The following THSD7B variants were observed in gnomAD, a reference collection of about 807,000 sequenced individuals.
THSD7B encodes thrombospondin type-1 domain-containing protein 7B.
In THSD7B, 138 loss-of-function variants were observed where a neutral mutation model predicts 213.6. The observed-to-expected ratio is 0.65, with a 90% CI of 0.56 to 0.74. The LOEUF is 0.74. THSD7B is among the 30% of genes least tolerant of loss of function. The pLI is 0.00. For synonymous variants in THSD7B, 742 were observed against 687.0 expected (o/e 1.08, Z -1.25); for missense variants, 1,931 against 1,991.5 (o/e 0.97, Z 0.58).
chr2:137,541,945 C>A (rs1187825946), intron 15 of THSD7B, among the ~76,000 whole-genome samples: 1 of 151,170 alleles, frequency 6.6e-6, no homozygotes, highest in Non-Finnish European at 1.5e-5. Context: ...ACAATGAGAG[C>A]CTCAGAAATC....
At chr2:137,364,347 C>T (rs1287998120) in intron 12 of THSD7B, among the ~76,000 whole-genome samples, 4 of 152,154 alleles carry the variant, frequency 2.6e-5, no homozygotes, top group Non-Finnish European at 2.9e-5. Context: ...GACATGGATG[C>T]CATCTCTCAC....
At chr2:137,391,846 T>A (rs1185545086) in intron 12 of THSD7B, among the ~76,000 whole-genome samples, 1 of 152,194 alleles carries the variant, frequency 6.6e-6, no homozygotes, top group Non-Finnish European at 1.5e-5. Context: ...CTTTAAAATT[T>A]GTGATCTTTA....
intron 21 of THSD7B, among the ~76,000 whole-genome samples, chr2:137,644,691 C>T (rs1291811211): frequency 6.6e-6 from 1 of 152,076 alleles, no homozygotes; most frequent in Admixed American, 6.6e-5. Context: ...TGCACGTGGG[C>T]CTTTTTGCAC....
At chr2:136,823,788 CTG>C (rs1682601561) in intron 1 of THSD7B, among the ~76,000 whole-genome samples, 1 of 152,074 alleles carries the variant, frequency 6.6e-6, no homozygotes, top group African/African-American at 2.4e-5. Context: ...AGGAATTTCT[CTG>C]TAATTCTTAA....
Position 136,986,542 on chromosome 2 carries a change from T to C in THSD7B, c.140-69878T>C, listed in dbSNP as rs1439184270. ...AACCAAGAACCAGTTAAACCTCTTTTCTTTATAAATGATGCAGCCTCAGGT... is the reference window on the plus strand; with the variant it reads ...AACCAAGAACCAGTTAAACCTCTTTCCTTTATAAATGATGCAGCCTCAGGT... On this transcript the variant is annotated intron_variant, in intron 2 of 27. Coordinates refer to ENST00000409968, the MANE Select transcript of THSD7B (RefSeq NM_001316349.2). 2.0e-5 allele frequency among the ~76,000 whole-genome samples: 3 copies of C among 152,228 alleles called. No individual in the cohort carries two copies. The East Asian group carries it at 5.8e-4, about 29-fold the overall frequency.
intron 15 of THSD7B, among the ~76,000 whole-genome samples, chr2:137,488,589 T>A (rs926875365): frequency 2.0e-5 from 3 of 152,192 alleles, no homozygotes; most frequent in Non-Finnish European, 1.5e-5. Flanking sequence ...AAGATGGTGT[T>A]TTCACAATTT....
At chr2:136,950,744 C>A (rs1308901798) in intron 2 of THSD7B, among the ~76,000 whole-genome samples, 1 of 152,112 alleles carries the variant, frequency 6.6e-6, no homozygotes, top group African/African-American at 2.4e-5. Flanking sequence ...GAAATCTAAG[C>A]ACAGATGGTG....
chr2:137,590,761 C>T (rs1681845613), intron 17 of THSD7B, among the ~76,000 whole-genome samples: 2 of 126,408 alleles, frequency 1.6e-5, no homozygotes, highest in Admixed American at 1.6e-4. Context: ...CTGTAAAATA[C>T]ATTTTGCATT....
chr2:136,775,724 G>A (rs539687067), intron 1 of THSD7B, among the ~76,000 whole-genome samples: 1 of 152,216 alleles, frequency 6.6e-6, no homozygotes. Flanking sequence ...GTGAGCAAAA[G>A]GAATCAGCTA....
chr2:137,101,412 A>ATGTC (rs1196787629), intron 4 of THSD7B, among the ~76,000 whole-genome samples: 1 of 152,190 alleles, frequency 6.6e-6, no homozygotes, highest in African/African-American at 2.4e-5. Flanking sequence ...TTGTCAGATA[A>ATGTC]ATTAACAGAT....
chr2:137,000,267 CAA>C (rs1413050969), intron 2 of THSD7B, among the ~76,000 whole-genome samples: 1 of 152,112 alleles, frequency 6.6e-6, no homozygotes, highest in Non-Finnish European at 1.5e-5. Flanking sequence ...CTTAACTTCT[CAA>C]AATTTAAGGG....
chr2:137,513,393 A>T (rs1680006910), intron 15 of THSD7B, among the ~76,000 whole-genome samples: 1 of 152,218 alleles, frequency 6.6e-6, no homozygotes, highest in African/African-American at 2.4e-5. Context: ...TGGAGAGAGT[A>T]GAATTCAGTA....
chr2:137,373,995 G>A (rs1558774551), intron 12 of THSD7B, among the ~76,000 whole-genome samples: 1 of 151,876 alleles, frequency 6.6e-6, no homozygotes, highest in Non-Finnish European at 1.5e-5. Context: ...GTTTGTCAAA[G>A]ATCAGATAGT....
chr2:136,874,694 T>A (rs1649545), intron 1 of THSD7B, among the ~76,000 whole-genome samples: 151,259 of 152,352 alleles, frequency 0.99, 75,097 homozygotes, highest in East Asian at 1. Context: ...TGGCCTTTCA[T>A]TGATTAGAAA....
intron 7 of THSD7B, among the ~76,000 whole-genome samples, chr2:137,174,157 C>T (rs1011578583): frequency 1.3e-5 from 2 of 152,130 alleles, no homozygotes; most frequent in Admixed American, 1.3e-4. Context: ...GGCTTGTTTA[C>T]CATTTTTAGG....
intron 7 of THSD7B, among the ~76,000 whole-genome samples, chr2:137,201,854 A>G (rs1179856300): frequency 1.3e-5 from 2 of 152,116 alleles, no homozygotes; most frequent in Non-Finnish European, 1.5e-5. Context: ...TTAATTTACA[A>G]TTTCCTAATG....
At chr2:136,977,562 A>G (rs1685500393) in intron 2 of THSD7B, among the ~76,000 whole-genome samples, 2 of 151,952 alleles carry the variant, frequency 1.3e-5, no homozygotes, top group Admixed American at 1.3e-4. Flanking sequence ...AAGGAGGTTG[A>G]TTTGAGATCT....
At chr2:137,072,410 T>A (rs1687512098) in intron 3 of THSD7B, among the ~76,000 whole-genome samples, 1 of 152,030 alleles carries the variant, frequency 6.6e-6, no homozygotes, top group Admixed American at 6.6e-5. Context: ...TCTCTGTCTG[T>A]TATTGGTGTA....
intron 15 of THSD7B, among the ~76,000 whole-genome samples, chr2:137,501,961 A>G (rs1435972980): frequency 6.6e-6 from 1 of 152,194 alleles, no homozygotes; most frequent in African/African-American, 2.4e-5. Context: ...TTTAAACAGG[A>G]AAGGATTAAA....
Sources: allele counts gnomAD v4.1 joint callset (sites outside exome capture counted in the v4.1 genomes callset), GRCh38; gene constraint gnomAD v4.1.1; transcripts MANE v1.5; gene names NCBI Gene and HGNC (gene_info 2026-07-23, HGNC 2026-07-21).